Variants in UACA observed in about 807,000 individuals in gnomAD.
The protein encoded by UACA is nuclear membrane binding protein.
In UACA, 112 loss-of-function variants were observed where a neutral mutation model predicts 160.5. That is an observed-to-expected ratio of 0.70 (90% CI 0.60 to 0.82). UACA has a LOEUF of 0.82. Ranked by LOEUF, UACA falls within the 40% of genes least tolerant of loss-of-function variation. The pLI is 0.00. For synonymous variants in UACA, 557 were observed against 568.4 expected (o/e 0.98, Z 0.29); for missense variants, 1,574 against 1,614.6 (o/e 0.97, Z 0.43).
At chr15:70,691,435 T>C in intron 3 of UACA, 72 bp from the exon 4 acceptor site, 1 of 1,174,674 alleles carries the variant, frequency 8.5e-7, no homozygotes, top group Non-Finnish European at 1.2e-6. Flanking sequence ...TATAGAAATA[T>C]GATTCTTTTT....
chr15:70,657,131 C>A lies in UACA; in HGVS notation c.4180-4G>T, dbSNP rs372315286. 6.2e-7 allele frequency: 1 copy of A among 1,613,192 alleles called. No homozygotes were observed. The highest frequency in any genetic ancestry group is 8.5e-7 in the Non-Finnish European group (1 of 1,179,242). ...GAACATCTTCATCCATGTGACCCTT[C>A]GGAGAAAGAAGAAAGAGGAGCATTA... On this transcript the variant is annotated splice_region_variant and splice_polypyrimidine_tract_variant and intron_variant, in intron 18 of 18. Coordinates refer to ENST00000322954, the MANE Select transcript of UACA (RefSeq NM_018003.4).
intron 8 of UACA, among the ~76,000 whole-genome samples, chr15:70,683,494 T>C (rs1372739880): frequency 1.3e-5 from 2 of 152,140 alleles, no homozygotes; most frequent in Admixed American, 6.6e-5. Flanking sequence ...CCCTAAAGGG[T>C]AATAAAAATA....
the UACA span, chr15:70,778,699 A>G: frequency 6.6e-6 from 1 of 152,234 alleles, no homozygotes; most frequent in Non-Finnish European, 1.5e-5. Context: ...GGGGATTACA[A>G]CATGGACATC....
chr15:70,709,795 C>T (rs533619532), intron 1 of UACA, among the ~76,000 whole-genome samples: 1 of 152,274 alleles, frequency 6.6e-6, no homozygotes, highest in East Asian at 1.9e-4. Context: ...ATACCTTATA[C>T]TGTTTAATGG....
chr15:70,699,477 A>C lies in UACA; in HGVS notation c.212+50T>G. Reference sequence around the variant, plus strand: ...ATTCACAAGTTTCATTTGTATCCCAAGACTATCCAAATTCCCTTCAGACAT... The same window carrying C: ...ATTCACAAGTTTCATTTGTATCCCACGACTATCCAAATTCCCTTCAGACAT... On this transcript the variant is annotated intron_variant, in intron 2 of 18. Coordinates refer to ENST00000322954, the MANE Select transcript of UACA (RefSeq NM_018003.4). 3 of 1,592,980 alleles carry C rather than the reference A, an allele frequency of 1.9e-6. No homozygotes were observed. In the South Asian group the frequency reaches 3.4e-5, roughly 18 times the overall value.
At chr15:70,738,391 T>G (rs1453019800) in intron 1 of UACA, among the ~76,000 whole-genome samples, 3 of 152,034 alleles carry the variant, frequency 2.0e-5, no homozygotes, top group Admixed American at 6.6e-5. Flanking sequence ...TCAGTATTCT[T>G]GCCATAAATG....
rs1247316402 is a variant in UACA, at chr15:70,668,622, CATGTTCCTCTGGTTTG to C, written c.2046_2061del (p.Lys683AsnfsTer7). On this transcript the variant is annotated frameshift_variant, in exon 16 of 19. Transcript: ENST00000322954. LOFTEE classifies it high-confidence loss of function. ...TGTTCTAATCTGCTCTTAACCTGTT[CATGTTCCTCTGGTTTG>C]ACGTGCTGAGCAAGCTTGGCCTTAA... The C allele has an allele frequency of 2.5e-6, 4 of 1,613,986 alleles. No individual in the cohort carries two copies. Among genetic ancestry groups the C allele is most frequent in the Non-Finnish European group, 3.4e-6 (4 of 1,180,014 alleles).
At position 70,671,964 on chromosome 15, in the gene UACA, C is replaced by T. The variant is rs955066072; in HGVS notation, c.1168+1G>A. ...ATGATAATCCATACTTTTATACTTACGGTTACTGAAATGACTTCCTGATCC... is the reference window on the plus strand; with the variant it reads ...ATGATAATCCATACTTTTATACTTATGGTTACTGAAATGACTTCCTGATCC... On this transcript the variant is annotated splice_donor_variant, in intron 14 of 18. Coordinates refer to ENST00000322954, the MANE Select transcript of UACA (RefSeq NM_018003.4). LOFTEE classifies it high-confidence loss of function. 5 of 1,596,054 alleles carry T rather than the reference C, an allele frequency of 3.1e-6. No individual in the cohort carries two copies. Among genetic ancestry groups the T allele is most frequent in the South Asian group, 2.3e-5 (2 of 87,296 alleles).
rs554275956 is a variant in UACA at position 70,701,902 on chromosome 15, C to G, written c.79-2242G>C. 6.8e-6 allele frequency: 11 copies of G among 1,613,260 alleles called. No homozygotes were observed. In the South Asian group the frequency reaches 1.1e-4, roughly 16 times the overall value. ...TCTGTTCTTAGGAGTACAAGAAAACCAACAGTTCATCATAGACAGGATTTA... is the reference window on the plus strand; with the variant it reads ...TCTGTTCTTAGGAGTACAAGAAAACGAACAGTTCATCATAGACAGGATTTA... On this transcript the variant is annotated intron_variant, in intron 1 of 18. Transcript: ENST00000322954.
intron 18 of UACA, among the ~76,000 whole-genome samples, chr15:70,659,391 G>GTTTTTTTTTTTTTTTTTTTTTTT (rs1375150038): frequency 1.0e-4 from 1 of 9,958 alleles, no homozygotes; most frequent in Non-Finnish European, 4.2e-4. Context: ...TTCATTTTTT[G>GTTTTTTTTTTTTTTTTTTTTTTT]TTTGTTTTTT....
intron 12 of UACA, among the ~76,000 whole-genome samples, 164 bp from the exon 13 acceptor site, chr15:70,676,755 T>C (rs1897314949): frequency 6.6e-6 from 1 of 152,188 alleles, no homozygotes; most frequent in South Asian, 2.1e-4. Context: ...TTTCTACAAA[T>C]ATACTAATGA....
intron 1 of UACA, among the ~76,000 whole-genome samples, chr15:70,707,616 A>C (rs1898559052): frequency 6.6e-6 from 1 of 152,218 alleles, no homozygotes; most frequent in African/African-American, 2.4e-5. Context: ...GGACTTGAAT[A>C]GAAATTTCTA....
chr15:70,660,752 G>A (rs1010937410), intron 17 of UACA: 1 of 152,286 alleles, frequency 6.6e-6, no homozygotes, highest in Non-Finnish European at 1.5e-5. Context: ...GTTTTGCGAT[G>A]AGCAGTTTCA....
At chr15:70,692,375 G>A (rs1897970097) in intron 3 of UACA, among the ~76,000 whole-genome samples, 1 of 151,896 alleles carries the variant, frequency 6.6e-6, no homozygotes, top group Non-Finnish European at 1.5e-5. Context: ...ATTGCCCAAA[G>A]TGGTCTTGAA....
At chr15:70,727,872 G>C (rs1043468878) in intron 1 of UACA, among the ~76,000 whole-genome samples, 3 of 152,114 alleles carry the variant, frequency 2.0e-5, no homozygotes, top group Admixed American at 6.5e-5. Flanking sequence ...TGAAAGTAGG[G>C]CCTCTTCACT....
intron 1 of UACA, among the ~76,000 whole-genome samples, chr15:70,738,906 T>C (rs1253155657): frequency 6.6e-6 from 1 of 152,230 alleles, no homozygotes; most frequent in African/African-American, 2.4e-5. Context: ...TACAGTCAAC[T>C]AGTAAACAGG....
intron 2 of UACA, among the ~76,000 whole-genome samples, chr15:70,697,539 T>C (rs1898173524): frequency 6.6e-6 from 1 of 152,204 alleles, no homozygotes; most frequent in East Asian, 1.9e-4. Flanking sequence ...TGAAACCAAA[T>C]TGAGCTCAAG....
rs368204874 is a variant in UACA, at chr15:70,695,038, T to C, written c.280A>G (p.Ile94Val). Residue 94 changes from isoleucine (I) to valine (V), a missense_variant, in exon 3 of 19, where the codon ATT becomes GTT. Coordinates refer to ENST00000322954, the MANE Select transcript of UACA (RefSeq NM_018003.4). Reference protein sequence around the residue: ...LNAILIHGVDITTSDTAGRNA... With the variant: ...LNAILIHGVDVTTSDTAGRNA... Reference sequence around the variant, plus strand: ...ATACCTGCAGTGTCACTGGTTGTAATATCAACTCCATGTATAAGGATGGCA... The same window carrying C: ...ATACCTGCAGTGTCACTGGTTGTAACATCAACTCCATGTATAAGGATGGCA... The C allele has an allele frequency of 5.6e-6, 9 of 1,610,640 alleles. No individual in the cohort carries two copies. In the South Asian group the frequency reaches 6.6e-5, roughly 12 times the overall value.
At position 70,686,484 on chromosome 15, in the gene UACA, C is replaced by CTT. The variant is rs59586401; in HGVS notation, c.602+1054_602+1055dup. On this transcript the variant is annotated intron_variant, in intron 7 of 18. Coordinates refer to ENST00000322954, the MANE Select transcript of UACA (RefSeq NM_018003.4). The stretch of plus-strand genomic sequence containing the variant: ...AAGGGGAGTTGTAGAAGCCAGGGTT[C>CTT]TTTTTTTTTTTTTTTTTTTTTTTAT... Among the ~76,000 whole-genome samples, 509 of 104,608 alleles carry CTT rather than the reference C, an allele frequency of 4.9e-3. 2 individuals carry two copies. The highest frequency in any genetic ancestry group is 0.013 in the African/African-American group (366 of 28,874). The allele number at this position is 104,608 out of a possible 152,430, so 68.6% of individuals were successfully genotyped here.
Sources: gnomAD v4.1 joint callset for allele counts (sites outside exome capture counted in the v4.1 genomes callset) on GRCh38, gnomAD v4.1.1 for gene constraint, MANE v1.5 for transcripts, NCBI Gene and HGNC (gene_info 2026-07-23, HGNC 2026-07-21) for gene names.